KMT2D: variants seen among roughly 807,000 people sequenced by gnomAD.
KMT2D encodes the protein lysine methyltransferase 2D.
A neutral mutation model predicts 512.7 loss-of-function variants in KMT2D; 55 were observed. That is an observed-to-expected ratio of 0.11 (90% confidence interval 0.09 to 0.13). The LOEUF (loss-of-function observed/expected upper bound fraction) is 0.13. Among genes scored for constraint, KMT2D ranks in the 10% least tolerant of loss-of-function variants. The pLI is 1.00. For missense variants in KMT2D, 6,061 were observed against 7,127.9 expected (o/e 0.85, Z 5.39); for synonymous variants, 2,995 against 2,904.0 (o/e 1.03, Z -1.01).
rs543241831 is a variant in KMT2D at position 49,041,361 on chromosome 12, T to C, written c.6409A>G (p.Thr2137Ala). ...GSPTTPAGLSTSADGFLKPPA... is the reference protein window; with the variant it reads ...GSPTTPAGLSASADGFLKPPA... ...GGCTTCAGGAACCCGTCCGCAGAGGTAGACAAGCCGGCGGGGGTAGTGGGG... is the reference window on the plus strand; with the variant it reads ...GGCTTCAGGAACCCGTCCGCAGAGGCAGACAAGCCGGCGGGGGTAGTGGGG... Residue 2137 changes from threonine (T) to alanine (A), a missense_variant, in exon 32 of 55, where the codon ACC becomes GCC. Physicochemically the swap from Thr to Ala is moderately conservative, Grantham distance 58. Coordinates refer to ENST00000301067, the MANE Select transcript of KMT2D (RefSeq NM_003482.4). The surrounding 1 kb of genome is among the most constrained non-coding windows in gnomAD (Gnocchi z 5.4). The C allele has an allele frequency of 1.1e-4, 175 of 1,579,506 alleles. No homozygotes were observed. Among genetic ancestry groups the C allele is most frequent in the South Asian group, 1.4e-4 (12 of 85,662 alleles).
rs777415982 is a variant in KMT2D, at chr12:49,042,277, G to T, written c.5921C>A (p.Thr1974Lys). The change falls in exon 29 of 55, where the codon ACG becomes AAG. Residue 1974 changes from threonine to lysine, a missense_variant. Physicochemically the swap from Thr to Lys is moderately conservative, Grantham distance 78 (BLOSUM62 -1). Around this residue, in one of 16 missense-constraint regions of KMT2D, gnomAD observed 640 missense variants for 814.3 expected, o/e 0.79. Transcript: ENST00000301067. The surrounding 1 kb of genome is among the most constrained non-coding windows in gnomAD (Gnocchi z 4.4). ...GGAGGGCGTGGTGCCACCTGAGCCC[G>T]TCCAGGGGCTGTCGGGCTCACCGGG... ...PEPGEPDSPW[T>K]GSGGTTPSTP... The T allele has an allele frequency of 6.4e-7, 1 of 1,570,334 alleles. No homozygotes were observed. The highest frequency in any genetic ancestry group is 1.9e-5 in the Admixed American group (1 of 53,380).
intron 35 of KMT2D, among the ~76,000 whole-genome samples, chr12:49,036,440 T>C (rs1392703043): frequency 6.7e-6 from 1 of 149,994 alleles, no homozygotes; most frequent in Non-Finnish European, 1.5e-5. Flanking sequence ...GCCTCTCGAG[T>C]AGCTGGAACT....
intron 38 of KMT2D, 30 bp from the exon 39 acceptor site, chr12:49,034,329 G>T (rs146202109): frequency 6.2e-7 from 1 of 1,610,134 alleles, no homozygotes; most frequent in African/African-American, 1.3e-5. Flanking sequence ...GTCAGGACCT[G>T]CAAAAGGGTA....
In KMT2D at chr12:49,024,216, A is replaced by G; in HGVS notation, c.16052+362T>C. Reference sequence around the variant, plus strand: ...CTCATGGGGAAGGGAAGGTGACCCTAGCACCCATGGGGTATCTGAGGTTTG... The same window carrying G: ...CTCATGGGGAAGGGAAGGTGACCCTGGCACCCATGGGGTATCTGAGGTTTG... On this transcript the variant is annotated intron_variant, in intron 51 of 54. Coordinates refer to ENST00000301067, the MANE Select transcript of KMT2D (RefSeq NM_003482.4). This position sits in a 1 kb window ranked among gnomAD's most constrained non-coding sequence, Gnocchi z 4.5. The G allele has an allele frequency of 2.3e-6, 1 of 428,424 alleles. No homozygotes were observed. The highest frequency in any genetic ancestry group is 4.4e-6 in the Non-Finnish European group (1 of 226,356). The allele number at this position is 428,424 out of a possible 1,614,324, so 26.5% of individuals were successfully genotyped here. A position where few individuals can be genotyped will look rare whatever the true frequency, so the allele number is the denominator to read the frequency against.
At position 49,053,571 on chromosome 12, in the gene KMT2D, C is replaced by A. The variant is rs1485689297; in HGVS notation, c.744G>T (p.Gly248=). 1.9e-6 allele frequency: 3 copies of A among 1,599,812 alleles called. No individual in the cohort carries two copies. Among genetic ancestry groups the A allele is most frequent in the Non-Finnish European group, 2.6e-6 (3 of 1,173,388 alleles). ...CCAGGCAGGCCCCGTGATAGTGATGCCCACAGCTGGTACAGAAGAACAGGT... is the reference window on the plus strand; with the variant it reads ...CCAGGCAGGCCCCGTGATAGTGATGACCACAGCTGGTACAGAAGAACAGGT... ...LCDLFFCTSC[G]HHYHGACLDT... is the part of the protein sequence containing the mutation. The change falls in exon 7 of 55, where the codon GGG becomes GGT. Residue 248 remains glycine, a synonymous_variant. Coordinates refer to ENST00000301067, the MANE Select transcript of KMT2D (RefSeq NM_003482.4).
At chr12:49,029,582 G>A in intron 43 of KMT2D, 106 bp from the exon 44 acceptor site, 2 of 791,392 alleles carry the variant, frequency 2.5e-6, no homozygotes, top group Non-Finnish European at 4.2e-6. Context: ...CAGCTATCAT[G>A]ATTAGCTGTC....
rs979691223 is a variant in KMT2D at position 49,019,206 on chromosome 12, CACACA to C, written c.*2569_*2573del. On this transcript the variant is annotated 3_prime_UTR_variant, in exon 55 of 55. Transcript: ENST00000301067. Reference sequence around the variant, plus strand: ...AGGACCAACCTTGCTGTACAGGATACACACAACACAAAATAAAGTCTTCACGGGAT... The same window carrying C: ...AGGACCAACCTTGCTGTACAGGATACACACAAAATAAAGTCTTCACGGGAT... 2.1e-5 allele frequency: 21 copies of C among 1,018,954 alleles called. No homozygotes were observed. Among genetic ancestry groups the C allele is most frequent in the Non-Finnish European group, 2.4e-5 (20 of 831,608 alleles). 63.1% of individuals were successfully genotyped at this position (1,018,954 alleles called of 1,614,324 possible). A position where few individuals can be genotyped will look rare whatever the true frequency, so the allele number is the denominator to read the frequency against.
chr12:49,027,848 G>T lies in KMT2D; in HGVS notation c.14598C>A (p.Gly4866=). 2 of 1,602,168 alleles carry T rather than the reference G, an allele frequency of 1.2e-6. No individual in the cohort carries two copies. Among genetic ancestry groups the T allele is most frequent in the Non-Finnish European group, 1.7e-6 (2 of 1,174,276 alleles). ...TGTCTAGTTGGCTCTTCAGGGTATA[G>T]CCAGGCAACACTGCATCAAACTGCT... is the stretch of plus-strand genomic sequence containing the variant. ...WLKQFDAVLP[G]YTLKSQLDIL... Residue 4866 remains glycine, a synonymous_variant, in exon 48 of 55, where the codon GGC becomes GGA. Transcript: ENST00000301067.
Position 49,046,074 on chromosome 12 carries a change from T to G in KMT2D, c.4684A>C (p.Lys1562Gln). 6.2e-7 allele frequency: 1 copy of G among 1,611,888 alleles called. No individual in the cohort carries two copies. The highest frequency in any genetic ancestry group is 1.1e-5 in the South Asian group (1 of 90,706). ...AGCAGCTGGTACTCACCCACAGGCTTTACCACGTAGGGCTGGCAGGAGACA... is the reference window on the plus strand; with the variant it reads ...AGCAGCTGGTACTCACCCACAGGCTGTACCACGTAGGGCTGGCAGGAGACA... ...DCVSCQPYVV[K>Q]PVAPVAPPEL... Residue 1562 changes from lysine to glutamine, a missense_variant, in exon 18 of 55, where the codon AAG (lysine) becomes CAG (glutamine). By Grantham distance (53) the Lys-to-Gln change is moderately conservative. Transcript: ENST00000301067. The surrounding 1 kb of genome is among the most constrained non-coding windows in gnomAD (Gnocchi z 4.2).
chr12:49,026,725 C>T lies in KMT2D; in HGVS notation c.15241G>A (p.Glu5081Lys), dbSNP rs1942612079. The change falls in exon 49 of 55, where the codon GAG becomes AAG. Residue 5081 changes from glutamate to lysine, a missense_variant. Glu to Lys is a moderately conservative substitution (Grantham distance 56). Transcript: ENST00000301067. The surrounding 1 kb of genome is among the most constrained non-coding windows in gnomAD (Gnocchi z 9.6). Reference sequence around the variant, plus strand: ...AGCAGTCCTCGGTGCAGGGCAACCTCCACATTCATCAGTGCCCCGCCCTGG... The same window carrying T: ...AGCAGTCCTCGGTGCAGGGCAACCTTCACATTCATCAGTGCCCCGCCCTGG... ...ETQGGALMNV[E>K]VALHRGLLTK... 2 of 1,613,870 alleles carry T rather than the reference C, an allele frequency of 1.2e-6. No homozygotes were observed. The highest frequency in any genetic ancestry group is 1.7e-6 in the Non-Finnish European group (2 of 1,179,882).
chr12:49,029,751 A>G (rs1465241713), intron 43 of KMT2D, among the ~76,000 whole-genome samples: 7 of 151,178 alleles, frequency 4.6e-5, no homozygotes, highest in Admixed American at 1.3e-4. Flanking sequence ...CCTGGCCTCA[A>G]GCAATCCTTC....
At position 49,040,673 on chromosome 12, in the gene KMT2D, G is replaced by A. The variant is rs2120532431; in HGVS notation, c.7097C>T (p.Pro2366Leu). The change falls in exon 32 of 55, where the codon CCA becomes CTA. Residue 2366 changes from proline to leucine, a missense_variant. This residue lies in a region of KMT2D where 710 missense variants were observed against 647.3 expected (regional missense o/e 1.10). Transcript: ENST00000301067. ...GTAGGAGCCAGGGCGAAAGATGTCT[G>A]GGTGACTTGGAGGAGAAGGTGCCAA... ...QALAPSPPSH[P>L]DIFRPGSYTD... is the part of the protein sequence containing the mutation. 1 of 1,613,846 alleles carries A rather than the reference G, an allele frequency of 6.2e-7. No homozygotes were observed. Among genetic ancestry groups the A allele is most frequent in the Non-Finnish European group, 8.5e-7 (1 of 1,179,808 alleles).
rs763229270 is a variant in KMT2D at position 49,054,008 on chromosome 12, G to C, written c.643C>G (p.Pro215Ala). Residue 215 changes from proline to alanine, a missense_variant, in exon 6 of 55, where the codon CCA becomes GCA. Around this residue, in one of 16 missense-constraint regions of KMT2D, gnomAD observed 160 missense variants for 225.8 expected, o/e 0.71. Coordinates refer to ENST00000301067, the MANE Select transcript of KMT2D (RefSeq NM_003482.4). The surrounding 1 kb of genome is among the most constrained non-coding windows in gnomAD (Gnocchi z 6.4). ...TATGCAGCCCCCTCACTGTGCTCTG[G>C]GCATAGCAGCTGCAGTGTTTTCATG... ...LSMKTLQLLCPEHSEGAAYLE... is the reference protein window; with the variant it reads ...LSMKTLQLLCAEHSEGAAYLE... 1 of 1,613,878 alleles carries C rather than the reference G, an allele frequency of 6.2e-7. No individual in the cohort carries two copies. Among genetic ancestry groups the C allele is most frequent in the Non-Finnish European group, 8.5e-7 (1 of 1,179,868 alleles).
In KMT2D at chr12:49,033,872, T is replaced by TTGC. The variant is rs2120448363; in HGVS notation, c.10830_10832dup (p.Gln3612dup). Reference sequence around the variant, plus strand: ...TGAGAGCCAGCACAGCTGAGTGCTGTTGCTGTTGTTGCTGCTGCTGCTGCT... The same window carrying TTGC: ...TGAGAGCCAGCACAGCTGAGTGCTGTTGCTGCTGTTGTTGCTGCTGCTGCTGCT... On this transcript the variant is annotated inframe_insertion, in exon 40 of 55. Transcript: ENST00000301067. 2 of 1,550,920 alleles carry TTGC rather than the reference T, an allele frequency of 1.3e-6. No individual in the cohort carries two copies. Among genetic ancestry groups the TTGC allele is most frequent in the Middle Eastern group, 1.7e-4 (1 of 5,908 alleles).
chr12:49,030,833 G>A lies in KMT2D; in HGVS notation c.13671+60C>T, dbSNP rs11614738. The A allele has an allele frequency of 0.34, 545,596 of 1,611,484 alleles. 97,134 individuals are homozygous for A. The highest frequency in any genetic ancestry group is 0.4 in the East Asian group (17,966 of 44,814). ...TTTGCATCGCTGTCTTGCACAGCTG[G>A]GGGACAGGGTGCCCCCTATCCTGGG... On this transcript the variant is annotated intron_variant, in intron 41 of 54. Transcript: ENST00000301067.
At position 49,024,924 on chromosome 12, in the gene KMT2D, C is replaced by A. The variant is rs370977938; in HGVS notation, c.15807G>T (p.Glu5269Asp). 3.1e-6 allele frequency: 5 copies of A among 1,596,156 alleles called. No individual in the cohort carries two copies. The African/African-American group carries it at 5.4e-5, about 17-fold the overall frequency. The change falls in exon 50 of 55, where the codon GAG becomes GAT. Residue 5269 changes from glutamate to aspartate, a missense_variant. By Grantham distance (45) the Glu-to-Asp change is conservative (BLOSUM62 2). Coordinates refer to ENST00000301067, the MANE Select transcript of KMT2D (RefSeq NM_003482.4). The surrounding 1 kb of genome is among the most constrained non-coding windows in gnomAD (Gnocchi z 4.5). ...CCTCTTTTCTCATGGCAGCCACAGG[C>A]TCAATGATGCGATTCCACACGGCTA... Reference protein sequence around the residue: ...SPQAVWNRIIEPVAAMRKEAD... With the variant: ...SPQAVWNRIIDPVAAMRKEAD...
At position 49,041,205 on chromosome 12, in the gene KMT2D, A is replaced by G. The variant is rs1565796079; in HGVS notation, c.6565T>C (p.Phe2189Leu). The G allele has an allele frequency of 9.3e-6, 14 of 1,512,544 alleles. No individual in the cohort carries two copies. Among genetic ancestry groups the G allele is most frequent in the African/African-American group, 1.4e-5 (1 of 71,290 alleles). The allele number at this position is 1,512,544 out of a possible 1,614,324, so 93.7% of individuals were successfully genotyped here. ...GGATAGGTGGGCGGTGCCGTGGGGA[A>G]GCGGGGCTCCAGGGGATAGGCAGGG... Reference protein sequence around the residue: ...LAPAYPLEPRFPTAPPTYPPY... With the variant: ...LAPAYPLEPRLPTAPPTYPPY... Residue 2189 changes from phenylalanine (F) to leucine (L), a missense_variant, in exon 32 of 55, where the codon TTC becomes CTC. Around this residue, in one of 16 missense-constraint regions of KMT2D, gnomAD observed 710 missense variants for 647.3 expected, o/e 1.10. Transcript: ENST00000301067. The surrounding 1 kb of genome is among the most constrained non-coding windows in gnomAD (Gnocchi z 5.4).
chr12:49,023,158 C>T (rs1466733596), intron 51 of KMT2D, among the ~76,000 whole-genome samples: 1 of 152,046 alleles, frequency 6.6e-6, no homozygotes, highest in African/African-American at 2.4e-5. Flanking sequence ...AATTCCCCTA[C>T]ACTGAGCCTG....
At position 49,033,697 on chromosome 12, in the gene KMT2D, C is replaced by T; in HGVS notation, c.11008G>A (p.Gly3670Ser). ...GGMALPGQPG[G>S]PFLNTALAQQ... Reference sequence around the variant, plus strand: ...GCCAGAGCTGTATTAAGGAAGGGGCCACCAGGCTGTCCAGGTAGTGCCATA... The same window carrying T: ...GCCAGAGCTGTATTAAGGAAGGGGCTACCAGGCTGTCCAGGTAGTGCCATA... Residue 3670 changes from glycine to serine, a missense_variant, in exon 40 of 55, where the codon GGC becomes AGC. Gly to Ser is a moderately conservative substitution (Grantham distance 56). Coordinates refer to ENST00000301067, the MANE Select transcript of KMT2D (RefSeq NM_003482.4). The T allele has an allele frequency of 6.2e-7, 1 of 1,613,676 alleles. No homozygotes were observed. The highest frequency in any genetic ancestry group is 1.6e-4 in the Middle Eastern group (1 of 6,062).
Sources: allele counts gnomAD v4.1 joint callset (sites outside exome capture counted in the v4.1 genomes callset), GRCh38; gene constraint gnomAD v4.1.1; regional missense constraint gnomAD v4.1.1; non-coding constraint Gnocchi (gnomAD v3.1); transcripts MANE v1.5; gene names NCBI Gene and HGNC (gene_info 2026-07-23, HGNC 2026-07-21).